RARB: variants seen among roughly 807,000 people sequenced by gnomAD.
RARB encodes the protein retinoic acid receptor beta.
In RARB, 17 loss-of-function variants were observed where a neutral mutation model predicts 51.9. The observed-to-expected ratio is 0.33, with a 90% CI of 0.22 to 0.49. The LOEUF is 0.49. RARB is among the 20% of genes least tolerant of loss of function. RARB has a pLI of 0.99. For missense variants in RARB, 369 were observed against 550.8 expected (o/e 0.67, Z 3.30); for synonymous variants, 215 against 195.4 (o/e 1.10, Z -0.84).
intron 3 of RARB, among the ~76,000 whole-genome samples, chr3:25,549,639 T>A (rs1213177043): frequency 6.6e-6 from 1 of 152,108 alleles, no homozygotes; most frequent in Non-Finnish European, 1.5e-5. Flanking sequence ...TCTGAGCACC[T>A]CATTTTAAGA....
chr3:25,332,950 C>G (rs1169774630), intron 5 of RARB, among the ~76,000 whole-genome samples: 1 of 152,086 alleles, frequency 6.6e-6, no homozygotes, highest in East Asian at 1.9e-4. Context: ...AATAAAATAC[C>G]TAGGAATCCA....
chr3:25,075,667 T>C (rs1384285159), intron 3 of RARB, among the ~76,000 whole-genome samples: 2 of 96,930 alleles, frequency 2.1e-5, no homozygotes, highest in African/African-American at 7.0e-5. Flanking sequence ...GAGAGAATTG[T>C]CCTCAGGAAA....
chr3:25,095,992 G>A (rs1035738928), intron 3 of RARB, among the ~76,000 whole-genome samples: 5 of 152,090 alleles, frequency 3.3e-5, no homozygotes, highest in South Asian at 2.1e-4. Context: ...AATTATGAAC[G>A]GCAAAGTGAC....
Position 25,588,644 on chromosome 3 carries a change from A to G in RARB, c.787-4859A>G, listed in dbSNP as rs538954073. Among the ~76,000 whole-genome samples the G allele has an allele frequency of 8.5e-5, 13 of 152,306 alleles. No individual in the cohort carries two copies. The South Asian group carries it at 1.5e-3, about 17-fold the overall frequency. On this transcript the variant is annotated intron_variant, in intron 5 of 7. Transcript: ENST00000330688. ...GTTCTGGCTCGGTATCTGTCATGAAATAGCAATCAAGACCCCGGCCAGAGC... is the reference window on the plus strand; with the variant it reads ...GTTCTGGCTCGGTATCTGTCATGAAGTAGCAATCAAGACCCCGGCCAGAGC...
At chr3:25,138,490 C>T (rs888812066) in intron 4 of RARB, among the ~76,000 whole-genome samples, 1 of 151,932 alleles carries the variant, frequency 6.6e-6, no homozygotes, top group Non-Finnish European at 1.5e-5. Flanking sequence ...CTTGCATTTG[C>T]CTTTTACTGT....
intron 2 of RARB, among the ~76,000 whole-genome samples, chr3:24,920,527 AT>A: frequency 6.6e-6 from 1 of 152,232 alleles, no homozygotes; most frequent in South Asian, 2.1e-4. Flanking sequence ...AAAATTGGGA[AT>A]TTAAATAATC....
chr3:25,216,494 C>A (rs1701834898), intron 5 of RARB, among the ~76,000 whole-genome samples: 1 of 151,576 alleles, frequency 6.6e-6, no homozygotes, highest in Non-Finnish European at 1.5e-5. Context: ...AACAGAAAAC[C>A]AAACACTGCA....
intron 5 of RARB, among the ~76,000 whole-genome samples, chr3:25,187,657 T>C (rs1209402704): frequency 6.6e-6 from 1 of 152,084 alleles, no homozygotes; most frequent in Non-Finnish European, 1.5e-5. Flanking sequence ...CAAATGAAGA[T>C]TTCATTTGTT....
chr3:25,412,354 A>G (rs780529212), intron 5 of RARB, among the ~76,000 whole-genome samples: 1 of 152,174 alleles, frequency 6.6e-6, no homozygotes, highest in Non-Finnish European at 1.5e-5. Flanking sequence ...GCCTAGTTAT[A>G]TAGATATTGG....
intron 3 of RARB, among the ~76,000 whole-genome samples, chr3:25,531,320 G>A (rs1698897415): frequency 6.6e-6 from 1 of 152,010 alleles, no homozygotes; most frequent in Non-Finnish European, 1.5e-5. Context: ...GTCAGGGCAG[G>A]ACACTCTGAG....
chr3:25,087,908 A>T (rs562403753), intron 3 of RARB, among the ~76,000 whole-genome samples: 49 of 151,820 alleles, frequency 3.2e-4, no homozygotes, highest in Non-Finnish European at 5.4e-4. Context: ...TTCTTTTTTT[A>T]AAATAGATTT....
intron 1 of RARB, among the ~76,000 whole-genome samples, chr3:24,835,827 G>T (rs1215421250): frequency 6.6e-6 from 1 of 152,170 alleles, no homozygotes; most frequent in East Asian, 1.9e-4. Context: ...GGTGAAAGTT[G>T]CATTCATTGG....
intron 2 of RARB, among the ~76,000 whole-genome samples, chr3:24,899,442 C>T (rs1451871323): frequency 6.6e-6 from 1 of 152,112 alleles, no homozygotes; most frequent in East Asian, 1.9e-4. Flanking sequence ...GGAAAGGTTC[C>T]GTCACTGGCC....
At chr3:25,233,824 C>G (rs752877801) in intron 5 of RARB, among the ~76,000 whole-genome samples, 1 of 148,876 alleles carries the variant, frequency 6.7e-6, no homozygotes, top group Non-Finnish European at 1.5e-5. Flanking sequence ...TTTTCTATAT[C>G]TATTGAGAAG....
intron 4 of RARB, among the ~76,000 whole-genome samples, chr3:25,162,817 A>G (rs1387398302): frequency 6.6e-6 from 1 of 152,190 alleles, no homozygotes; most frequent in East Asian, 1.9e-4. Context: ...TTGTTTATTC[A>G]TCAATTAATG....
At chr3:25,325,620 G>C (rs1704693328) in intron 5 of RARB, among the ~76,000 whole-genome samples, 1 of 151,524 alleles carries the variant, frequency 6.6e-6, no homozygotes, top group South Asian at 2.1e-4. Flanking sequence ...TCCTTCCTCT[G>C]CTGCCAACTT....
rs150215064 is a variant in RARB, at chr3:24,911,053, A to G, written c.-380+52301A>G. Among the ~76,000 whole-genome samples the G allele has an allele frequency of 3.1e-3, 477 of 152,332 alleles. 5 individuals are homozygous for G. Among genetic ancestry groups the G allele is most frequent in the African/African-American group, 9.7e-3 (403 of 41,580 alleles). ...AAGCTGTGATAAATGTTATGACTTCATATTTTATTTTATGACACCTCTGCT... is the reference window on the plus strand; with the variant it reads ...AAGCTGTGATAAATGTTATGACTTCGTATTTTATTTTATGACACCTCTGCT... On this transcript the variant is annotated intron_variant, in intron 2 of 11. Coordinates refer to the RARB transcript ENST00000383772.
At chr3:24,979,808 CT>C (rs1696603368) in intron 2 of RARB, among the ~76,000 whole-genome samples, 1 of 152,050 alleles carries the variant, frequency 6.6e-6, no homozygotes, top group Non-Finnish European at 1.5e-5. Flanking sequence ...GAATTTGATC[CT>C]GTCATTACGA....
intron 3 of RARB, among the ~76,000 whole-genome samples, chr3:25,120,371 G>A (rs1016221536): frequency 2.0e-5 from 3 of 152,080 alleles, no homozygotes; most frequent in Admixed American, 2.0e-4. Flanking sequence ...GGTAGGTAGA[G>A]TAAAGCCATG....
Sources: gnomAD v4.1 joint callset for allele counts (sites outside exome capture counted in the v4.1 genomes callset) on GRCh38, gnomAD v4.1.1 for gene constraint, MANE v1.5 for transcripts, NCBI Gene and HGNC (gene_info 2026-07-23, HGNC 2026-07-21) for gene names.